The following MRM1 variants were observed in gnomAD, a reference collection of about 807,000 sequenced individuals.
The protein encoded by MRM1 is rRNA methyltransferase 1, mitochondrial.
A neutral mutation model predicts 25.0 loss-of-function variants in MRM1; 24 were observed. The ratio of observed to expected loss-of-function variants is 0.96; its 90% CI spans 0.69 to 1.35. The LOEUF is 1.35. Among genes scored for constraint, MRM1 ranks in the 40% most tolerant of loss-of-function variants. The probability of loss-of-function intolerance (pLI) is 0.00; values close to 1 mark genes in which losing one functional copy is unlikely to be tolerated. For synonymous variants in MRM1, 188 were observed against 199.2 expected, an observed-to-expected ratio of 0.94 and a Z score of 0.47; for missense variants, 431 against 464.1, an observed-to-expected ratio of 0.93 and a Z score of 0.65.
chr17:36,615,655 G>A, the MRM1 span, among the ~76,000 whole-genome samples: 1 of 137,582 alleles, frequency 7.3e-6, no homozygotes, highest in Admixed American at 7.5e-5. Context: ...GCAAAACTCC[G>A]TCTCAAAAAA....
chr17:36,604,877 C>T (rs868567222), intron 2 of MRM1, among the ~76,000 whole-genome samples: 2 of 151,204 alleles, frequency 1.3e-5, no homozygotes, highest in South Asian at 2.1e-4. Flanking sequence ...CGGTGGCTCA[C>T]GCCTATAATC....
the MRM1 span, among the ~76,000 whole-genome samples, chr17:36,633,785 G>A: frequency 5.9e-5 from 9 of 152,120 alleles, no homozygotes; most frequent in Non-Finnish European, 1.2e-4. Flanking sequence ...AACATGGGCC[G>A]AAGGAGGAGA....
chr17:36,603,067 C>A, intron 2 of MRM1: 1 of 985,402 alleles, frequency 1.0e-6, no homozygotes, highest in Non-Finnish European at 1.2e-6. Context: ...AAGAGACAAA[C>A]CTTGGAAACC....
chr17:36,620,849 T>C, the MRM1 span, among the ~76,000 whole-genome samples: 1 of 152,154 alleles, frequency 6.6e-6, no homozygotes, highest in East Asian at 1.9e-4. Flanking sequence ...AACCCATCCA[T>C]AGGTCTTGGA....
chr17:36,625,462 C>CTTT, the MRM1 span, among the ~76,000 whole-genome samples: 152 of 102,000 alleles, frequency 1.5e-3, 2 homozygotes, highest in Middle Eastern at 7.1e-3. Context: ...CCTCCTCCTC[C>CTTT]TTTTTTTTTT....
chr17:36,607,591 C>G, intron 2 of MRM1, 79 bp from the exon 3 acceptor site: 1 of 1,507,202 alleles, frequency 6.6e-7, no homozygotes, highest in East Asian at 2.3e-5. Flanking sequence ...CCACTGCACT[C>G]CAGCCTGAGC....
chr17:36,608,482 G>A lies in MRM1; in HGVS notation c.*67G>A. 1 of 1,294,360 alleles carries A rather than the reference G, an allele frequency of 7.7e-7. No individual in the cohort carries two copies. Among genetic ancestry groups the A allele is most frequent in the Non-Finnish European group, 1.0e-6 (1 of 970,612 alleles). 80.2% of individuals were successfully genotyped at this position (1,294,360 alleles called of 1,614,324 possible). A position where few individuals can be genotyped will look rare whatever the true frequency, so the allele number is the denominator to read the frequency against. The stretch of plus-strand genomic sequence containing the variant: ...GCCGCACCTGCCTCCGCCGGCTCCA[G>A]TGTGCGGGGAGCCTCTGCCTGAGTG... On this transcript the variant is annotated 3_prime_UTR_variant, in exon 5 of 5. Transcript: ENST00000614766.
At chr17:36,629,638 G>A in the MRM1 span, among the ~76,000 whole-genome samples, 46 of 151,240 alleles carry the variant, frequency 3.0e-4, no homozygotes, top group Non-Finnish European at 2.1e-4. Flanking sequence ...TCCTCCACCC[G>A]TGACTCCTGG....
At chr17:36,629,419 C>T in the MRM1 span, among the ~76,000 whole-genome samples, 1 of 152,176 alleles carries the variant, frequency 6.6e-6, no homozygotes, top group Non-Finnish European at 1.5e-5. Flanking sequence ...TGAGCTGCGG[C>T]GGCAGGCAGG....
chr17:36,610,364 C>G (rs1020121906), downstream of MRM1, among the ~76,000 whole-genome samples: 24 of 152,016 alleles, frequency 1.6e-4, no homozygotes, highest in African/African-American at 5.1e-4. Context: ...TCCTGAGTAG[C>G]TGGGACTACA....
chr17:36,613,386 T>C (rs1245947032), downstream of MRM1, among the ~76,000 whole-genome samples: 3 of 152,134 alleles, frequency 2.0e-5, no homozygotes, highest in Non-Finnish European at 2.9e-5. Context: ...AGCATGCCCA[T>C]CTGCTAATCC....
chr17:36,608,328 A>C lies in MRM1; in HGVS notation c.975A>C (p.Glu325Asp). ...ERRQLLQDPQ[E>D]PSARSEGLSM... The stretch of plus-strand genomic sequence containing the variant: ...GGCAGCTTCTCCAAGACCCCCAAGA[A>C]CCCTCAGCCAGGTCTGAAGGGCTCA... The change falls in exon 5 of 5, where the codon GAA (glutamate) becomes GAC (aspartate). Residue 325 changes from glutamate (E) to aspartate (D), a missense_variant. Coordinates refer to ENST00000614766, the MANE Select transcript of MRM1 (RefSeq NM_024864.5). The C allele has an allele frequency of 6.2e-7, 1 of 1,610,810 alleles. No individual in the cohort carries two copies. The highest frequency in any genetic ancestry group is 8.5e-7 in the Non-Finnish European group (1 of 1,178,500).
the MRM1 span, among the ~76,000 whole-genome samples, chr17:36,632,102 G>A: frequency 3.9e-5 from 6 of 152,128 alleles, 1 homozygote; most frequent in Admixed American, 3.9e-4. Flanking sequence ...TGATCCGCCC[G>A]CCTTGGCCTC....
At chr17:36,605,866 A>G (rs1245917254) in intron 2 of MRM1, among the ~76,000 whole-genome samples, 1 of 151,914 alleles carries the variant, frequency 6.6e-6, no homozygotes, top group African/African-American at 2.4e-5. Flanking sequence ...TATTGCAGAA[A>G]CTTCCCACCT....
Position 36,601,723 on chromosome 17 carries a change from T to G in MRM1, c.-88T>G. The G allele has an allele frequency of 2.2e-6, 3 of 1,363,036 alleles. No individual in the cohort carries two copies. The highest frequency in any genetic ancestry group is 2.9e-6 in the Non-Finnish European group (3 of 1,017,398). The allele number at this position is 1,363,036 out of a possible 1,614,324, so 84.4% of individuals were successfully genotyped here. On this transcript the variant is annotated 5_prime_UTR_variant, in exon 1 of 5. Coordinates refer to ENST00000614766, the MANE Select transcript of MRM1 (RefSeq NM_024864.5). ...GGCTGTCGAGTACCCTTCACCTCGG[T>G]GTTGGGAGCCTGGGAGCGAACTGCG...
At position 36,608,001 on chromosome 17, in the gene MRM1, A is replaced by T; in HGVS notation, c.872A>T (p.Asn291Ile). Residue 291 changes from asparagine (N) to isoleucine (I), a missense_variant, in exon 4 of 5, where the codon AAC becomes ATC. Asn to Ile is a moderately radical substitution (Grantham distance 149). Transcript: ENST00000614766. ...RQLPPGLESL[N>I]VSVAAGILLH... ...CTGCCTCCTGGACTTGAGTCCTTGA[A>T]CGTCTCTGTGGCTGCAGGTGAGTCT... 1 of 1,613,806 alleles carries T rather than the reference A, an allele frequency of 6.2e-7. No individual in the cohort carries two copies. Among genetic ancestry groups the T allele is most frequent in the Non-Finnish European group, 8.5e-7 (1 of 1,179,938 alleles).
At chr17:36,630,361 CCT>C in the MRM1 span, among the ~76,000 whole-genome samples, 1 of 152,134 alleles carries the variant, frequency 6.6e-6, no homozygotes, top group East Asian at 1.9e-4. Context: ...CCACATTTTC[CCT>C]GTTTGGAAAT....
At position 36,601,870 on chromosome 17, in the gene MRM1, C is replaced by A; in HGVS notation, c.60C>A (p.Phe20Leu). Reference sequence around the variant, plus strand: ...GGGGTCGCCTCGTCACCCGTCATTTCTCCCATGCAGCGCGGCATGGGGAGC... The same window carrying A: ...GGGGTCGCCTCGTCACCCGTCATTTATCCCATGCAGCGCGGCATGGGGAGC... ...ATWGRLVTRH[F>L]SHAARHGERP... The change falls in exon 1 of 5, where the codon TTC (phenylalanine) becomes TTA (leucine). Residue 20 changes from phenylalanine to leucine, a missense_variant. Coordinates refer to ENST00000614766, the MANE Select transcript of MRM1 (RefSeq NM_024864.5). 1 of 1,605,750 alleles carries A rather than the reference C, an allele frequency of 6.2e-7. No homozygotes were observed. Among genetic ancestry groups the A allele is most frequent in the Non-Finnish European group, 8.5e-7 (1 of 1,177,498 alleles).
chr17:36,626,575 G>C, the MRM1 span, among the ~76,000 whole-genome samples: 1 of 152,120 alleles, frequency 6.6e-6, no homozygotes, highest in South Asian at 2.1e-4. Flanking sequence ...TTGACAGGCT[G>C]ATCTCGAACT....
Sources: gnomAD v4.1 joint callset for allele counts (sites outside exome capture counted in the v4.1 genomes callset) on GRCh38, gnomAD v4.1.1 for gene constraint, MANE v1.5 for transcripts, NCBI Gene and HGNC (gene_info 2026-07-23, HGNC 2026-07-21) for gene names.